Variants in LARGE1 observed in about 807,000 individuals in gnomAD.
The protein encoded by LARGE1 is LARGE xylosyl- and glucuronyltransferase 1, also known as xylosyl- and glucuronyltransferase LARGE1.
A neutral mutation model predicts 87.6 loss-of-function variants in LARGE1; 43 were observed. The ratio of observed to expected loss-of-function variants is 0.49; its 90% confidence interval spans 0.38 to 0.63. The LOEUF is 0.63. Ranked by LOEUF, LARGE1 falls within the 30% of genes least tolerant of loss-of-function variation. The probability of loss-of-function intolerance (pLI) is 0.00; values close to 1 mark genes in which losing one functional copy is unlikely to be tolerated. For synonymous variants in LARGE1, 434 were observed against 394.6 expected (o/e 1.10, Z -1.18); for missense variants, 802 against 1,000.2 (o/e 0.80, Z 2.67).
chr22:33,195,349 GA>G (rs1217761737), intron 11 of LARGE1, among the ~76,000 whole-genome samples: 3 of 152,104 alleles, frequency 2.0e-5, no homozygotes, highest in Non-Finnish European at 2.9e-5. Context: ...GGTATCTGTA[GA>G]AAACTCGACC....
At chr22:33,467,683 G>A (rs993607705) in intron 6 of LARGE1, among the ~76,000 whole-genome samples, 1 of 152,208 alleles carries the variant, frequency 6.6e-6, no homozygotes, top group Non-Finnish European at 1.5e-5. Context: ...AAAGGCACTG[G>A]TTCCAAATGG....
chr22:33,438,355 G>GA (rs2067348108), intron 6 of LARGE1, among the ~76,000 whole-genome samples: 1 of 152,326 alleles, frequency 6.6e-6, no homozygotes, highest in Admixed American at 6.5e-5. Context: ...GTGACTCACA[G>GA]AAAACGCTTT....
chr22:33,834,915 C>G (rs1428271508), intron 1 of LARGE1, among the ~76,000 whole-genome samples: 1 of 152,190 alleles, frequency 6.6e-6, no homozygotes, highest in Non-Finnish European at 1.5e-5. Context: ...AAGTTTCTAT[C>G]ATGTTAATAT....
chr22:33,841,013 C>T (rs1286344764), intron 1 of LARGE1, among the ~76,000 whole-genome samples: 2 of 152,136 alleles, frequency 1.3e-5, no homozygotes, highest in Non-Finnish European at 2.9e-5. Flanking sequence ...TTTTCATTTT[C>T]AGTACAGTAT....
In LARGE1 at chr22:33,480,098, C is replaced by T. The variant is rs550417913; in HGVS notation, c.788-47833G>A. The stretch of plus-strand genomic sequence containing the variant: ...ACAAAGTTCAGTGACTACATCAAGA[C>T]GCTGACCCTGCCCCCCAGGAGCTAC... On this transcript the variant is annotated intron_variant, in intron 6 of 14. Coordinates refer to ENST00000397394, the MANE Select transcript of LARGE1 (RefSeq NM_133642.5). Among the ~76,000 whole-genome samples the T allele has an allele frequency of 1.4e-4, 22 of 152,252 alleles. No individual in the cohort carries two copies. The South Asian group carries it at 1.7e-3, about 11-fold the overall frequency.
intron 10 of LARGE1, among the ~76,000 whole-genome samples, chr22:33,317,943 A>G (rs1936336052): frequency 6.6e-6 from 1 of 152,060 alleles, no homozygotes; most frequent in Non-Finnish European, 1.5e-5. Context: ...TGCACTTAGA[A>G]TGGGAGGACT....
intron 2 of LARGE1, among the ~76,000 whole-genome samples, chr22:33,719,531 A>ATTTATTTATTTATTTT (rs1202304747): frequency 7.2e-4 from 108 of 149,808 alleles, no homozygotes; most frequent in Admixed American, 2.9e-3. Context: ...TTATTTATTT[A>ATTTATTTATTTATTTT]TTTTTTTGAG....
At chr22:33,499,370 G>A (rs1292617263) in intron 6 of LARGE1, among the ~76,000 whole-genome samples, 1 of 152,196 alleles carries the variant, frequency 6.6e-6, no homozygotes, top group Non-Finnish European at 1.5e-5. Context: ...TAAGGCAGAT[G>A]GCAATTATCC....
chr22:33,228,987 C>T (rs912133831), intron 11 of LARGE1, among the ~76,000 whole-genome samples: 1 of 152,094 alleles, frequency 6.6e-6, no homozygotes, highest in Non-Finnish European at 1.5e-5. Context: ...ATTTAATTAT[C>T]CAGCTCAAGG....
At chr22:33,719,497 A>ATAT (rs2083016156) in intron 2 of LARGE1, among the ~76,000 whole-genome samples, 1 of 145,104 alleles carries the variant, frequency 6.9e-6, no homozygotes, top group East Asian at 2.0e-4. Flanking sequence ...CATCTATACC[A>ATAT]TATTTATTTA....
At chr22:33,534,357 A>T (rs2076982964) in intron 6 of LARGE1, among the ~76,000 whole-genome samples, 1 of 151,836 alleles carries the variant, frequency 6.6e-6, no homozygotes, top group African/African-American at 2.4e-5. Context: ...TGAGCGGAGA[A>T]CACGCCACTG....
intron 1 of LARGE1, among the ~76,000 whole-genome samples, chr22:33,846,545 G>C (rs1170194662): frequency 1.3e-5 from 2 of 152,232 alleles, no homozygotes; most frequent in African/African-American, 4.8e-5. Flanking sequence ...GGGAATAAGA[G>C]AGATAACCTT....
At chr22:33,801,375 T>C (rs1402920235) in intron 1 of LARGE1, among the ~76,000 whole-genome samples, 3 of 152,236 alleles carry the variant, frequency 2.0e-5, no homozygotes, top group African/African-American at 7.2e-5. Context: ...CAGCATCTGA[T>C]ATTGTCAGCA....
intron 1 of LARGE1, among the ~76,000 whole-genome samples, chr22:33,838,518 A>G (rs1396189829): frequency 6.6e-6 from 1 of 152,322 alleles, no homozygotes; most frequent in Admixed American, 6.5e-5. Context: ...GCATGCCTGC[A>G]GTCCCAGCTA....
intron 11 of LARGE1, among the ~76,000 whole-genome samples, chr22:33,194,067 G>A (rs940135030): frequency 1.3e-5 from 2 of 150,946 alleles, no homozygotes; most frequent in Non-Finnish European, 3.0e-5. Flanking sequence ...TATACTGTCT[G>A]CATTATTCAT....
intron 1 of LARGE1, among the ~76,000 whole-genome samples, chr22:33,831,230 G>A (rs2062957845): frequency 6.6e-6 from 1 of 151,876 alleles, no homozygotes; most frequent in Admixed American, 6.6e-5. Flanking sequence ...ACAGGCATGA[G>A]CCACTGCGAC....
At chr22:33,203,319 C>T (rs946083697) in intron 11 of LARGE1, among the ~76,000 whole-genome samples, 1 of 152,172 alleles carries the variant, frequency 6.6e-6, no homozygotes, top group African/African-American at 2.4e-5. Flanking sequence ...GCAAGACAGC[C>T]TCGTGCAGGA....
At chr22:33,686,386 C>T (rs796804715) in intron 2 of LARGE1, among the ~76,000 whole-genome samples, 3 of 151,680 alleles carry the variant, frequency 2.0e-5, no homozygotes, top group African/African-American at 7.2e-5. Flanking sequence ...ACTAAAGATA[C>T]AAAAAATTAG....
chr22:33,725,012 G>A (rs1247864037), intron 2 of LARGE1: 1 of 152,664 alleles, frequency 6.6e-6, no homozygotes, highest in Non-Finnish European at 1.5e-5. Flanking sequence ...CCTGCAGGAA[G>A]TAAAGGGGCT....
Sources: allele counts gnomAD v4.1 joint callset (sites outside exome capture counted in the v4.1 genomes callset), GRCh38; gene constraint gnomAD v4.1.1; transcripts MANE v1.5; gene names NCBI Gene and HGNC (gene_info 2026-07-23, HGNC 2026-07-21).